MYO18A: variants seen among roughly 807,000 people sequenced by gnomAD.
MYO18A encodes the protein unconventional myosin-XVIIIa.
A neutral mutation model predicts 235.8 loss-of-function variants in MYO18A; 78 were observed. The observed-to-expected ratio is 0.33, with a 90% CI of 0.28 to 0.40. The LOEUF (loss-of-function observed/expected upper bound fraction) is 0.40, where lower values mean the gene tolerates loss of function less well. Ranked by LOEUF, MYO18A falls within the 10% of genes least tolerant of loss-of-function variation. The pLI is 1.00. For missense variants in MYO18A, 2,215 were observed against 2,699.3 expected (o/e 0.82, Z 3.98); for synonymous variants, 977 against 1,077.8 (o/e 0.91, Z 1.83).
Position 29,118,157 on chromosome 17 carries a change from A to T in MYO18A, c.1926T>A (p.Phe642Leu). Residue 642 changes from phenylalanine (F) to leucine (L), a missense_variant, in exon 10 of 42, where the codon TTT becomes TTA. Transcript: ENST00000527372. The surrounding 1 kb of genome is among the most constrained non-coding windows in gnomAD (Gnocchi z 4.2). ...PEEKQKAAQQ[F>L]SKLQAAMKVL... ...CCTTCATGGCCGCCTGCAGCTTACT[A>T]AACTGCTGAGCTGCCTTCTGCTTTT... 6.3e-7 allele frequency: 1 copy of T among 1,599,388 alleles called. No individual in the cohort carries two copies. The highest frequency in any genetic ancestry group is 8.5e-7 in the Non-Finnish European group (1 of 1,172,258).
In MYO18A at chr17:29,118,146, T is replaced by C. The variant is rs778224713; in HGVS notation, c.1937A>G (p.Gln646Arg). ...QKAAQQFSKLQAAMKVLGISP... is the reference protein window; with the variant it reads ...QKAAQQFSKLRAAMKVLGISP... ...GATGCCCAGCACCTTCATGGCCGCC[T>C]GCAGCTTACTAAACTGCTGAGCTGC... The change falls in exon 10 of 42, where the codon CAG becomes CGG. Residue 646 changes from glutamine (Q) to arginine (R), a missense_variant. Gln to Arg is a conservative substitution (Grantham distance 43, BLOSUM62 1). Transcript: ENST00000527372. The surrounding 1 kb of genome is among the most constrained non-coding windows in gnomAD (Gnocchi z 4.2). The C allele has an allele frequency of 6.9e-6, 11 of 1,597,924 alleles. No homozygotes were observed. The highest frequency in any genetic ancestry group is 8.5e-6 in the Non-Finnish European group (10 of 1,171,614).
At position 29,096,885 on chromosome 17, in the gene MYO18A, TCTC is replaced by T; in HGVS notation, c.4258_4260del (p.Glu1420del). The T allele has an allele frequency of 6.3e-7, 1 of 1,578,358 alleles. No individual in the cohort carries two copies. The highest frequency in any genetic ancestry group is 8.6e-7 in the Non-Finnish European group (1 of 1,163,112). ...TTGAGCTGCTGCAGAGCCCGCTGAC[TCTC>T]CTCACTATCTGCCTGCAGGTCCCCG... is the stretch of plus-strand genomic sequence containing the variant. On this transcript the variant is annotated inframe_deletion, in exon 28 of 42. Coordinates refer to ENST00000527372, the MANE Select transcript of MYO18A (RefSeq NM_078471.4).
In MYO18A at chr17:29,165,922, G is replaced by T; in HGVS notation, c.999+20C>A. The stretch of plus-strand genomic sequence containing the variant: ...CATTCCCCATCCCTGCTTAGCCCAG[G>T]TGCCCAGGGAAGCACTCACATCGGA... On this transcript the variant is annotated intron_variant, in intron 2 of 41. Transcript: ENST00000527372. The T allele has an allele frequency of 6.2e-7, 1 of 1,600,990 alleles. No individual in the cohort carries two copies. The highest frequency in any genetic ancestry group is 8.5e-7 in the Non-Finnish European group (1 of 1,172,188).
chr17:29,095,209 G>T, intron 28 of MYO18A, 150 bp from the exon 29 acceptor site: 1 of 1,244,440 alleles, frequency 8.0e-7, no homozygotes, highest in African/African-American at 1.5e-5. Context: ...AGGTAGCGGT[G>T]ACATTTAGAG....
chr17:29,161,372 A>T (rs1353266439), intron 2 of MYO18A, among the ~76,000 whole-genome samples: 1 of 150,998 alleles, frequency 6.6e-6, no homozygotes, highest in South Asian at 2.1e-4. Flanking sequence ...AAAAAAAAAA[A>T]AAAAAATAGC....
chr17:29,087,065 C>T lies in MYO18A; in HGVS notation c.5583G>A (p.Gln1861=). 6.2e-7 allele frequency: 1 copy of T among 1,614,032 alleles called. No homozygotes were observed. The highest frequency in any genetic ancestry group is 8.5e-7 in the Non-Finnish European group (1 of 1,179,892). ...TCTCCCGGTTCTCGGCTGCAATGCG[C>T]TGATCCCGCTCCTCAGTCAGCTTCT... ...NMEKLTEERD[Q]RIAAENREKE... The change falls in exon 38 of 42, where the codon CAG becomes CAA. Residue 1861 remains glutamine, a synonymous_variant. Transcript: ENST00000527372.
Position 29,086,984 on chromosome 17 carries a change from G to T in MYO18A, c.5664C>A (p.Gly1888=), listed in dbSNP as rs1386827445. ...CCTCGGCCTCCTTCCTGGCAAGCTC[G>T]CCCATCTCCTCCTTGGTGTCCCGGA... ...RQLRDTKEEM[G]ELARKEAEAS... The change falls in exon 38 of 42, where the codon GGC becomes GGA. Residue 1888 remains glycine, a synonymous_variant. Transcript: ENST00000527372. The T allele has an allele frequency of 6.2e-7, 1 of 1,613,750 alleles. No individual in the cohort carries two copies. Among genetic ancestry groups the T allele is most frequent in the Admixed American group, 1.7e-5 (1 of 59,980 alleles).
At chr17:29,159,692 TC>T (rs748078642) in intron 2 of MYO18A, among the ~76,000 whole-genome samples, 5 of 152,108 alleles carry the variant, frequency 3.3e-5, no homozygotes, top group Non-Finnish European at 7.4e-5. Flanking sequence ...TTTTGAGTCT[TC>T]CCTTGGAATC....
chr17:29,114,110 G>C lies in MYO18A; in HGVS notation c.2512-13C>G, dbSNP rs1312465576. 6.3e-7 allele frequency: 1 copy of C among 1,581,202 alleles called. No individual in the cohort carries two copies. Among genetic ancestry groups the C allele is most frequent in the African/African-American group, 1.4e-5 (1 of 74,004 alleles). The stretch of plus-strand genomic sequence containing the variant: ...GCTCGATGTTCTCCTGGGAAAGAAG[G>C]CCGAGCGGTAGTGAGCATGGGGGTC... On this transcript the variant is annotated splice_polypyrimidine_tract_variant and intron_variant, in intron 14 of 41. Coordinates refer to ENST00000527372, the MANE Select transcript of MYO18A (RefSeq NM_078471.4).
At chr17:29,137,969 CAA>C (rs890859830) in intron 2 of MYO18A, among the ~76,000 whole-genome samples, 1 of 152,124 alleles carries the variant, frequency 6.6e-6, no homozygotes, top group Non-Finnish European at 1.5e-5. Context: ...CATTTGTTCT[CAA>C]AGAGGAGAAA....
chr17:29,096,761 C>A lies in MYO18A; in HGVS notation c.4385G>T (p.Arg1462Met). The change falls in exon 28 of 42, where the codon AGG becomes ATG. Residue 1462 changes from arginine (R) to methionine (M), a missense_variant and splice_region_variant. Physicochemically the swap from Arg to Met is moderately conservative, Grantham distance 91 (BLOSUM62 -1). Transcript: ENST00000527372. ...GGCCCAGGGCAGGGGGCCCACCCAC[C>A]TCCTCTGCTTCTTCTCCAGTTCGTG... The part of the protein sequence containing the change: ...RNHELEKKQR[R>M]FDSELSQAHE... 1 of 1,596,750 alleles carries A rather than the reference C, an allele frequency of 6.3e-7. No homozygotes were observed. Among genetic ancestry groups the A allele is most frequent in the South Asian group, 1.1e-5 (1 of 88,066 alleles).
intron 2 of MYO18A, among the ~76,000 whole-genome samples, chr17:29,135,670 T>C (rs2067581410): frequency 6.6e-6 from 1 of 152,234 alleles, no homozygotes; most frequent in Non-Finnish European, 1.5e-5. Flanking sequence ...GGCCTGTTCC[T>C]CTGCATCAGC....
rs1175825292 is a variant in MYO18A at position 29,115,047 on chromosome 17, G to C, written c.2371C>G (p.Pro791Ala). 6.2e-7 allele frequency: 1 copy of C among 1,613,950 alleles called. No homozygotes were observed. The highest frequency in any genetic ancestry group is 8.5e-7 in the Non-Finnish European group (1 of 1,179,878). The change falls in exon 14 of 42, where the codon CCG becomes GCG. Residue 791 changes from proline to alanine, a missense_variant. Coordinates refer to ENST00000527372, the MANE Select transcript of MYO18A (RefSeq NM_078471.4). ...CCCTGCTCAGGGTTCTGGAAGCCCG[G>C]GGTGTCGACAATCATCATGGAGCAG... ...SLCSMMIVDT[P>A]GFQNPEQGGS...
Position 29,115,067 on chromosome 17 carries a change from G to A in MYO18A, c.2351C>T (p.Ser784Phe), listed in dbSNP as rs2067024078. Reference sequence around the variant, plus strand: ...GCCCGGGGTGTCGACAATCATCATGGAGCAGAGTGAGTGCTGGCTGGACTT... The same window carrying A: ...GCCCGGGGTGTCGACAATCATCATGAAGCAGAGTGAGTGCTGGCTGGACTT... ...ALKSSQHSLC[S>F]MMIVDTPGFQ... Residue 784 changes from serine to phenylalanine, a missense_variant, in exon 14 of 42, where the codon TCC becomes TTC. Ser to Phe is a radical substitution (Grantham distance 155). Transcript: ENST00000527372. 1 of 1,613,778 alleles carries A rather than the reference G, an allele frequency of 6.2e-7. No individual in the cohort carries two copies. The highest frequency in any genetic ancestry group is 1.3e-5 in the African/African-American group (1 of 74,934).
Position 29,180,290 on chromosome 17 carries a change from C to T in MYO18A, c.-82+23G>A, listed in dbSNP as rs940188440. 6.6e-6 allele frequency: 1 copy of T among 150,478 alleles called. No individual in the cohort carries two copies. Among genetic ancestry groups the T allele is most frequent in the African/African-American group, 2.4e-5 (1 of 41,114 alleles). 9.3% of individuals were successfully genotyped at this position (150,478 alleles called of 1,614,324 possible). On this transcript the variant is annotated intron_variant, in intron 1 of 41. Coordinates refer to ENST00000527372, the MANE Select transcript of MYO18A (RefSeq NM_078471.4). The surrounding 1 kb of genome is among the most constrained non-coding windows in gnomAD (Gnocchi z 6.1). ...CAAGCCGGGCCCGCCACCGAGCGGCCGCCGCCGCCGACCGGCACTCACCGG... is the reference window on the plus strand; with the variant it reads ...CAAGCCGGGCCCGCCACCGAGCGGCTGCCGCCGCCGACCGGCACTCACCGG...
Position 29,115,138 on chromosome 17 carries a change from GC to G in MYO18A, c.2319-40del, listed in dbSNP as rs765526948. 34 of 1,572,898 alleles carry G rather than the reference GC, an allele frequency of 2.2e-5. No individual in the cohort carries two copies. In the African/African-American group the frequency reaches 3.5e-4, roughly 16 times the overall value. On this transcript the variant is annotated intron_variant, in intron 13 of 41. Coordinates refer to ENST00000527372, the MANE Select transcript of MYO18A (RefSeq NM_078471.4). ...GCCTGGGTCAGAGCCTCGCTGGTTG[GC>G]CCCGGGCACCAGGAAGCCCCACCCT...
In MYO18A at chr17:29,074,098, C is replaced by T. The variant is rs183193817; in HGVS notation, c.*672G>A. 1.0e-4 allele frequency: 162 copies of T among 1,614,032 alleles called. No homozygotes were observed. The Admixed American group carries it at 2.5e-3, about 25-fold the overall frequency. On this transcript the variant is annotated 3_prime_UTR_variant, in exon 42 of 42. Coordinates refer to ENST00000527372, the MANE Select transcript of MYO18A (RefSeq NM_078471.4). This position sits in a 1 kb window ranked among gnomAD's most constrained non-coding sequence, Gnocchi z 4.4. ...AGCCCAGCAGCACCGGAGAGCCCCT[C>T]CGCACCTCATTCTTAAGAACCTGGA...
At position 29,095,067 on chromosome 17, in the gene MYO18A, G is replaced by A. The variant is rs1331291176; in HGVS notation, c.4386-8C>T. 4 of 1,519,044 alleles carry A rather than the reference G, an allele frequency of 2.6e-6. No individual in the cohort carries two copies. The highest frequency in any genetic ancestry group is 2.5e-5 in the South Asian group (2 of 79,490). The allele number at this position is 1,519,044 out of a possible 1,614,324, so 94.1% of individuals were successfully genotyped here. A position where few individuals can be genotyped will look rare whatever the true frequency, so the allele number is the denominator to read the frequency against. Reference sequence around the variant, plus strand: ...GAGAGCTCACTGTCAAACCTGCGAGGGAGTGTGGCGGCTCCATCAGATGGG... The same window carrying A: ...GAGAGCTCACTGTCAAACCTGCGAGAGAGTGTGGCGGCTCCATCAGATGGG... On this transcript the variant is annotated splice_region_variant and splice_polypyrimidine_tract_variant and intron_variant, in intron 28 of 41. Coordinates refer to ENST00000527372, the MANE Select transcript of MYO18A (RefSeq NM_078471.4).
chr17:29,103,681 C>CT lies in MYO18A; in HGVS notation c.3442-18dup, dbSNP rs746996906. ...CTCCACTGCCTGTGGAGAGAGGCCT[C>CT]TGTCAGGCAGCCCGCCTGGGCCTCC... On this transcript the variant is annotated splice_polypyrimidine_tract_variant and intron_variant, in intron 20 of 41. Coordinates refer to ENST00000527372, the MANE Select transcript of MYO18A (RefSeq NM_078471.4). 6 of 1,613,280 alleles carry CT rather than the reference C, an allele frequency of 3.7e-6. No individual in the cohort carries two copies. The highest frequency in any genetic ancestry group is 5.1e-6 in the Non-Finnish European group (6 of 1,179,726).
Sources: allele counts gnomAD v4.1 joint callset (sites outside exome capture counted in the v4.1 genomes callset), GRCh38; gene constraint gnomAD v4.1.1; non-coding constraint Gnocchi (gnomAD v3.1); transcripts MANE v1.5; gene names NCBI Gene and HGNC (gene_info 2026-07-23, HGNC 2026-07-21).